The following WWOX variants were observed in gnomAD, a reference collection of about 807,000 sequenced individuals.
The protein encoded by WWOX is WW domain containing oxidoreductase.
WWOX carries 69 observed loss-of-function variants against 46.2 expected under a neutral mutation model. The observed-to-expected ratio is 1.49, with a 90% CI of 1.23 to 1.82. The LOEUF is 1.82. WWOX is among the 40% of genes most tolerant of loss of function. The pLI is 0.00. For missense variants in WWOX, 919 were observed against 542.6 expected, an observed-to-expected ratio of 1.69 and a Z score of -6.89; for synonymous variants, 359 against 202.6, an observed-to-expected ratio of 1.77 and a Z score of -6.56.
At chr16:78,967,131 G>C (rs1327807364) in intron 8 of WWOX, among the ~76,000 whole-genome samples, 1 of 151,908 alleles carries the variant, frequency 6.6e-6, no homozygotes, top group Non-Finnish European at 1.5e-5. Context: ...ATGTGTTTCA[G>C]CCTGTTTTCC....
intron 8 of WWOX, among the ~76,000 whole-genome samples, chr16:78,680,333 C>G (rs926249863): frequency 6.6e-6 from 1 of 152,094 alleles, no homozygotes; most frequent in African/African-American, 2.4e-5. Context: ...TGCGTGAGCC[C>G]AGGAGTTCAA....
chr16:78,387,485 T>C (rs1007946020), intron 6 of WWOX, among the ~76,000 whole-genome samples: 1 of 152,108 alleles, frequency 6.6e-6, no homozygotes, highest in African/African-American at 2.4e-5. Flanking sequence ...AAAATTCCAG[T>C]TGGAGAAAGC....
intron 6 of WWOX, among the ~76,000 whole-genome samples, chr16:78,406,352 A>ATT (rs2082543106): frequency 1.4e-5 from 1 of 73,352 alleles, no homozygotes; most frequent in Non-Finnish European, 2.6e-5. Context: ...ATATATATAT[A>ATT]TATTTTATTA....
chr16:78,911,040 C>T (rs1036930546), intron 8 of WWOX, among the ~76,000 whole-genome samples: 4 of 151,844 alleles, frequency 2.6e-5, no homozygotes, highest in Non-Finnish European at 2.9e-5. Context: ...AATGGCTTTC[C>T]CACAGCCTGT....
chr16:78,147,684 TTTTTTTTTTTTTAA>T (rs1429507755), intron 4 of WWOX, among the ~76,000 whole-genome samples: 1 of 88,850 alleles, frequency 1.1e-5, no homozygotes, highest in African/African-American at 3.7e-5. Context: ...CCTTTTTTTT[TTTTTTTTTTTTTAA>T]AAAAAAAAAA....
intron 8 of WWOX, among the ~76,000 whole-genome samples, chr16:78,862,147 T>G (rs761150449): frequency 1.4e-4 from 21 of 151,306 alleles, no homozygotes; most frequent in Non-Finnish European, 2.5e-4. Flanking sequence ...TATACACACC[T>G]ATGGGTGTGT....
Position 78,156,564 on chromosome 16 carries a change from C to G in WWOX, c.410-7619C>G, listed in dbSNP as rs180686510. Among the ~76,000 whole-genome samples the G allele has an allele frequency of 3.1e-4, 47 of 152,258 alleles. 1 individual carries two copies. The East Asian group carries it at 8.9e-3, about 29-fold the overall frequency. ...GATATTTATTGAATCCTACTGGGTGCTAGTCTGGCGAAATACGGAGATTGG... is the reference window on the plus strand; with the variant it reads ...GATATTTATTGAATCCTACTGGGTGGTAGTCTGGCGAAATACGGAGATTGG... On this transcript the variant is annotated intron_variant, in intron 4 of 8. Transcript: ENST00000566780.
chr16:78,928,265 C>G lies in WWOX; in HGVS notation c.1057-283343C>G, dbSNP rs974007812. Among the ~76,000 whole-genome samples, 9 of 148,666 alleles carry G rather than the reference C, an allele frequency of 6.1e-5. No homozygotes were observed. In the East Asian group the frequency reaches 9.9e-4, roughly 16 times the overall value. On this transcript the variant is annotated intron_variant, in intron 8 of 8. Transcript: ENST00000566780. ...TCGCCCAGGCTGGAGTGCAGTGGCG[C>G]GATCTCGGCTCACTGCAAGCTCCGC...
intron 6 of WWOX, among the ~76,000 whole-genome samples, chr16:78,415,637 G>T (rs1022320932): frequency 2.0e-5 from 3 of 152,132 alleles, no homozygotes; most frequent in Non-Finnish European, 4.4e-5. Context: ...GGGGGTTTCA[G>T]AAAGATAGAA....
chr16:78,718,907 C>G (rs1256540519), intron 8 of WWOX, among the ~76,000 whole-genome samples: 4 of 152,094 alleles, frequency 2.6e-5, no homozygotes, highest in Non-Finnish European at 4.4e-5. Flanking sequence ...GGGGCTGACT[C>G]ATGACCTAAA....
chr16:78,204,842 A>T (rs2095420493), intron 5 of WWOX, among the ~76,000 whole-genome samples: 1 of 152,148 alleles, frequency 6.6e-6, no homozygotes, highest in South Asian at 2.1e-4. Flanking sequence ...GACCCTGTTG[A>T]TTTTTATGTC....
chr16:78,272,318 T>C (rs1057438203), intron 5 of WWOX, among the ~76,000 whole-genome samples: 4 of 151,928 alleles, frequency 2.6e-5, no homozygotes, highest in Non-Finnish European at 1.5e-5. Flanking sequence ...GCTGAGGGAC[T>C]CTTACCCAGA....
chr16:78,969,271 T>C (rs570794040), intron 8 of WWOX, among the ~76,000 whole-genome samples: 5 of 148,110 alleles, frequency 3.4e-5, no homozygotes, highest in Non-Finnish European at 4.5e-5. Context: ...CTCTCTCTCT[T>C]TTTTTTTTTT....
Position 78,707,738 on chromosome 16 carries a change from C to G in WWOX, c.1056+274986C>G, listed in dbSNP as rs540226068. 4.3e-3 allele frequency among the ~76,000 whole-genome samples: 649 copies of G among 152,046 alleles called. 1 individual carries two copies. The highest frequency in any genetic ancestry group is 6.9e-3 in the Non-Finnish European group (472 of 67,978). ...TCTCTACTAAAAATACAAAAATTAG[C>G]CTGGTGTGGTGGTGCACACCTGTAG... On this transcript the variant is annotated intron_variant, in intron 8 of 8. Coordinates refer to ENST00000566780, the MANE Select transcript of WWOX (RefSeq NM_016373.4).
chr16:78,533,567 A>G (rs1349220877), intron 8 of WWOX, among the ~76,000 whole-genome samples: 5 of 152,148 alleles, frequency 3.3e-5, no homozygotes, highest in Non-Finnish European at 5.9e-5. Context: ...GGGCTTGAGC[A>G]TTTGAAAGAC....
intron 5 of WWOX, among the ~76,000 whole-genome samples, chr16:78,273,905 C>T (rs980398698): frequency 6.6e-6 from 1 of 152,186 alleles, no homozygotes; most frequent in Non-Finnish European, 1.5e-5. Context: ...GGAAGTCATC[C>T]ATTGGCACCT....
At chr16:78,415,302 A>G (rs924029763) in intron 6 of WWOX, among the ~76,000 whole-genome samples, 1 of 151,970 alleles carries the variant, frequency 6.6e-6, no homozygotes, top group African/African-American at 2.4e-5. Flanking sequence ...TAATGGATTC[A>G]TATTAGGGTA....
At chr16:78,134,632 C>G (rs962278173) in intron 4 of WWOX, among the ~76,000 whole-genome samples, 5 of 152,134 alleles carry the variant, frequency 3.3e-5, no homozygotes, top group African/African-American at 9.7e-5. Context: ...CATTTGTTAA[C>G]TTGTTGAGAA....
intron 8 of WWOX, among the ~76,000 whole-genome samples, chr16:78,651,758 G>A (rs895907104): frequency 1.3e-5 from 2 of 152,138 alleles, no homozygotes; most frequent in African/African-American, 4.8e-5. Context: ...AACCTCTTTC[G>A]TATCAACTTA....
Sources: gnomAD v4.1 joint callset for allele counts (sites outside exome capture counted in the v4.1 genomes callset) on GRCh38, gnomAD v4.1.1 for gene constraint, MANE v1.5 for transcripts, NCBI Gene and HGNC (gene_info 2026-07-23, HGNC 2026-07-21) for gene names.